The following STK33 variants were observed in gnomAD, a reference collection of about 807,000 sequenced individuals.
STK33 encodes the protein serine/threonine kinase 33, also known as serine/threonine-protein kinase 33.
Under a neutral mutation model 58.0 loss-of-function variants are expected in STK33, and 52 were observed. That is an observed-to-expected ratio of 0.90 (90% CI 0.72 to 1.13). The LOEUF is 1.13. Among genes scored for constraint, STK33 ranks in the 50% most tolerant of loss-of-function variants. The pLI, the probability that STK33 is intolerant of heterozygous loss-of-function variation, is 0.00. For synonymous variants in STK33, 215 were observed against 200.1 expected (o/e 1.07, Z -0.63); for missense variants, 630 against 604.2 (o/e 1.04, Z -0.45).
At chr11:8,588,733 A>G (rs1449188773) in intron 1 of STK33, among the ~76,000 whole-genome samples, 1 of 152,208 alleles carries the variant, frequency 6.6e-6, no homozygotes, top group African/African-American at 2.4e-5. Flanking sequence ...AAGACAATCT[A>G]CAAAATGGAA....
intron 1 of STK33, among the ~76,000 whole-genome samples, chr11:8,529,745 A>G (rs1014744606): frequency 5.3e-5 from 8 of 152,346 alleles, no homozygotes; most frequent in Admixed American, 4.6e-4. Context: ...TAAGCCATGG[A>G]TCGCAGGTGG....
intron 1 of STK33, among the ~76,000 whole-genome samples, chr11:8,549,186 T>C (rs371509204): frequency 2.6e-5 from 4 of 152,322 alleles, no homozygotes. Context: ...CATGAAGGGA[T>C]GTTAAATTGT....
downstream of STK33, among the ~76,000 whole-genome samples, chr11:8,388,395 G>A (rs1277835176): frequency 6.6e-6 from 1 of 152,242 alleles, no homozygotes; most frequent in Admixed American, 6.5e-5. Context: ...GCCTCGCTTT[G>A]AAGAACAAAG....
chr11:8,475,048 A>G lies in STK33; in HGVS notation c.-143T>C, dbSNP rs983915458. The G allele has an allele frequency of 1.6e-6, 1 of 607,008 alleles. No individual in the cohort carries two copies. Among genetic ancestry groups the G allele is most frequent in the Non-Finnish European group, 2.8e-6 (1 of 361,254 alleles). 37.6% of individuals were successfully genotyped at this position (607,008 alleles called of 1,614,324 possible). On this transcript the variant is annotated 5_prime_UTR_variant, in exon 5 of 16. Transcript: ENST00000687296. ...TCCTCAGGTTAAGGATGCACTAGAC[A>G]CATATTCACACGTGAGAGCTGCAGA...
At chr11:8,581,285 T>C (rs2030185689) in intron 1 of STK33, among the ~76,000 whole-genome samples, 1 of 152,146 alleles carries the variant, frequency 6.6e-6, no homozygotes, top group Non-Finnish European at 1.5e-5. Context: ...TATATATGTT[T>C]GGAAATGTAT....
intron 14 of STK33, among the ~76,000 whole-genome samples, chr11:8,414,116 G>C (rs1940754056): frequency 6.6e-6 from 1 of 150,938 alleles, no homozygotes; most frequent in African/African-American, 2.4e-5. Context: ...AAATATCTAG[G>C]CAAAAAAAAA....
chr11:8,536,550 T>C (rs1035346093), intron 1 of STK33, among the ~76,000 whole-genome samples: 2 of 152,178 alleles, frequency 1.3e-5, no homozygotes, highest in Non-Finnish European at 2.9e-5. Flanking sequence ...GAAACCATTA[T>C]GTGCTCATGA....
chr11:8,382,897 C>T, the STK33 span, among the ~76,000 whole-genome samples: 1 of 152,178 alleles, frequency 6.6e-6, no homozygotes, highest in Non-Finnish European at 1.5e-5. Flanking sequence ...ACTCAACACA[C>T]TCTCTGTTGC....
intron 14 of STK33, 46 bp from the exon 15 acceptor site, chr11:8,413,738 T>C: frequency 1.3e-6 from 2 of 1,532,368 alleles, no homozygotes; most frequent in Non-Finnish European, 1.8e-6. Flanking sequence ...ACTTAGAGAA[T>C]TGAGACGATA....
intron 1 of STK33, among the ~76,000 whole-genome samples, chr11:8,569,907 C>A (rs1957688612): frequency 6.6e-6 from 1 of 152,036 alleles, no homozygotes; most frequent in Middle Eastern, 3.2e-3. Context: ...CGTAATTGTG[C>A]CACTGCACTC....
chr11:8,547,364 G>A (rs991484021), intron 1 of STK33, among the ~76,000 whole-genome samples: 7 of 152,030 alleles, frequency 4.6e-5, no homozygotes, highest in East Asian at 1.9e-4. Flanking sequence ...ACAGGCATGC[G>A]CCACCACGCC....
chr11:8,339,271 C>T, the STK33 span, among the ~76,000 whole-genome samples: 1 of 152,332 alleles, frequency 6.6e-6, no homozygotes, highest in African/African-American at 2.4e-5. Flanking sequence ...TTAGCACCGA[C>T]TTCCAAATTA....
At chr11:8,562,264 G>T (rs969816308) in intron 1 of STK33, among the ~76,000 whole-genome samples, 18 of 152,048 alleles carry the variant, frequency 1.2e-4, no homozygotes, top group African/African-American at 3.1e-4. Context: ...ATAGCTCATT[G>T]TCATTTCTTC....
At chr11:8,391,427 C>G (rs1026279471), downstream of STK33, among the ~76,000 whole-genome samples, 3 of 152,204 alleles carry the variant, frequency 2.0e-5, no homozygotes, top group African/African-American at 7.2e-5. Context: ...TTCGGAATCA[C>G]AATAGTGTCT....
intron 1 of STK33, among the ~76,000 whole-genome samples, chr11:8,575,356 T>A (rs1958104124): frequency 6.6e-6 from 1 of 152,154 alleles, no homozygotes; most frequent in Non-Finnish European, 1.5e-5. Flanking sequence ...ACAACCCAAG[T>A]GTCCATCAAC....
In STK33 at chr11:8,392,674, T is replaced by A. The variant is rs762790064; in HGVS notation, c.1381A>T (p.Lys461Ter). ...GAACTGCACATATCAAAGTTGTCCT[T>A]ACTGGTTGCAGGAAATTGCTTTTCA... ...AYEKQFPATS[K>*]DNFDMCSSSF... Residue 461 changes from lysine (K) to a stop codon, truncating the protein, a stop_gained, in exon 16 of 16, where the codon AAG becomes TAG. Coordinates refer to ENST00000687296, the MANE Select transcript of STK33 (RefSeq NM_001352389.2). LOFTEE classifies it low-confidence loss of function (END_TRUNC). 7.1e-5 allele frequency: 115 copies of A among 1,614,094 alleles called. No individual in the cohort carries two copies. Among genetic ancestry groups the A allele is most frequent in the Non-Finnish European group, 9.7e-5 (114 of 1,180,060 alleles).
At chr11:8,408,896 T>C (rs1045432751) in intron 15 of STK33, among the ~76,000 whole-genome samples, 4 of 152,220 alleles carry the variant, frequency 2.6e-5, no homozygotes, top group Admixed American at 6.5e-5. Flanking sequence ...TGACAGCATA[T>C]GTGAAATGTT....
At position 8,468,915 on chromosome 11, in the gene STK33, T is replaced by C. The variant is rs181882648; in HGVS notation, c.340-4093A>G. On this transcript the variant is annotated intron_variant, in intron 6 of 15. Transcript: ENST00000687296. ...CTATATTATAATCTATTAACTGCAA[T>C]AGCATTATGTCTAAAAATGTACACA... Among the ~76,000 whole-genome samples the C allele has an allele frequency of 3.0e-4, 46 of 152,206 alleles. 1 individual carries two copies. The highest frequency in any genetic ancestry group is 1.1e-3 in the African/African-American group (44 of 41,458).
intron 8 of STK33, among the ~76,000 whole-genome samples, chr11:8,458,572 T>C (rs912889184): frequency 1.3e-5 from 2 of 151,952 alleles, no homozygotes. Flanking sequence ...AAAGAAACAG[T>C]GGGACTTAGT....
Sources: allele counts gnomAD v4.1 joint callset (sites outside exome capture counted in the v4.1 genomes callset), GRCh38; gene constraint gnomAD v4.1.1; transcripts MANE v1.5; gene names NCBI Gene and HGNC (gene_info 2026-07-23, HGNC 2026-07-21).